Variants in EPHA6 observed in about 807,000 individuals in gnomAD.
EPHA6 encodes the protein EPH receptor A6, also known as ephrin type-A receptor 6.
EPHA6 carries 50 observed loss-of-function variants against 112.0 expected under a neutral mutation model. The ratio of observed to expected loss-of-function variants is 0.45; its 90% CI spans 0.36 to 0.56. The LOEUF is 0.56. Ranked by LOEUF, EPHA6 falls within the 20% of genes least tolerant of loss-of-function variation. EPHA6 has a pLI of 0.00. For missense variants in EPHA6, 1,280 were observed against 1,417.4 expected, an observed-to-expected ratio of 0.90 and a Z score of 1.56; for synonymous variants, 529 against 490.7, an observed-to-expected ratio of 1.08 and a Z score of -1.03.
At chr3:96,933,735 TTTA>T (rs1435632602) in intron 2 of EPHA6, among the ~76,000 whole-genome samples, 4 of 152,068 alleles carry the variant, frequency 2.6e-5, no homozygotes, top group Non-Finnish European at 5.9e-5. Flanking sequence ...ACAGAGTAAG[TTTA>T]TTATTATAAA....
chr3:97,314,843 T>C (rs1415433352), intron 5 of EPHA6, among the ~76,000 whole-genome samples: 1 of 151,642 alleles, frequency 6.6e-6, no homozygotes, highest in East Asian at 1.9e-4. Context: ...CACATACTAG[T>C]CATCAATATC....
chr3:97,224,831 C>T (rs1311939224), intron 3 of EPHA6, among the ~76,000 whole-genome samples: 1 of 151,898 alleles, frequency 6.6e-6, no homozygotes, highest in Non-Finnish European at 1.5e-5. Flanking sequence ...TATATATTCT[C>T]TATAAATTGA....
intron 16 of EPHA6, among the ~76,000 whole-genome samples, chr3:97,738,757 C>T (rs988237237): frequency 6.6e-6 from 1 of 152,090 alleles, no homozygotes; most frequent in Non-Finnish European, 1.5e-5. Context: ...ATTCTAAAGT[C>T]TGATCTCTGG....
At chr3:96,844,206 C>T (rs2034932348) in intron 1 of EPHA6, among the ~76,000 whole-genome samples, 1 of 151,884 alleles carries the variant, frequency 6.6e-6, no homozygotes. Flanking sequence ...TGTCTTTTTC[C>T]TAAGAACAAA....
At chr3:97,058,082 A>G (rs2045906393) in intron 3 of EPHA6, among the ~76,000 whole-genome samples, 1 of 152,180 alleles carries the variant, frequency 6.6e-6, no homozygotes, top group African/African-American at 2.4e-5. Flanking sequence ...ATTTAAGACC[A>G]TTGCAGAGAG....
At chr3:97,602,252 G>A (rs1253991311) in intron 12 of EPHA6, among the ~76,000 whole-genome samples, 7 of 151,946 alleles carry the variant, frequency 4.6e-5, no homozygotes, top group Admixed American at 3.3e-4. Context: ...ACTGATGTTT[G>A]AGAAAGCAAA....
intron 14 of EPHA6, among the ~76,000 whole-genome samples, chr3:97,698,824 T>G (rs572858213): frequency 6.6e-6 from 1 of 152,332 alleles, no homozygotes; most frequent in East Asian, 1.9e-4. Context: ...GTATAGGATC[T>G]CTGCCTTATT....
chr3:97,569,453 C>T (rs1168344922), intron 11 of EPHA6, among the ~76,000 whole-genome samples: 1 of 152,054 alleles, frequency 6.6e-6, no homozygotes, highest in Non-Finnish European at 1.5e-5. Flanking sequence ...AGAACAGACT[C>T]TAGGGTCAAG....
chr3:97,748,939 A>C lies in EPHA6; in HGVS notation c.*238A>C, dbSNP rs2035824255. Reference sequence around the variant, plus strand: ...GGCCCACTGCAGATTATTGCTACGCAATGGTAAATAACTCAGCATGGATGT... The same window carrying C: ...GGCCCACTGCAGATTATTGCTACGCCATGGTAAATAACTCAGCATGGATGT... On this transcript the variant is annotated 3_prime_UTR_variant, in exon 18 of 18. Coordinates refer to ENST00000389672, the MANE Select transcript of EPHA6 (RefSeq NM_001080448.3). 2.0e-6 allele frequency: 1 copy of C among 494,306 alleles called. No homozygotes were observed. The highest frequency in any genetic ancestry group is 3.2e-5 in the East Asian group (1 of 31,366). 30.6% of individuals were successfully genotyped at this position (494,306 alleles called of 1,614,324 possible).
intron 3 of EPHA6, among the ~76,000 whole-genome samples, chr3:97,140,911 T>A (rs1459185462): frequency 6.6e-6 from 1 of 151,772 alleles, no homozygotes; most frequent in Non-Finnish European, 1.5e-5. Flanking sequence ...TAAGATCCAA[T>A]CATTTGCTGC....
intron 2 of EPHA6, among the ~76,000 whole-genome samples, chr3:96,908,409 A>C (rs2039046390): frequency 6.6e-6 from 1 of 152,020 alleles, no homozygotes; most frequent in African/African-American, 2.4e-5. Context: ...ATGCCCTCTC[A>C]CCAGTGATAG....
At chr3:97,191,983 A>C (rs2108480316) in intron 3 of EPHA6, among the ~76,000 whole-genome samples, 1 of 152,148 alleles carries the variant, frequency 6.6e-6, no homozygotes, top group South Asian at 2.1e-4. Flanking sequence ...CTCCACCCTG[A>C]CTAGTATTTG....
At position 97,405,226 on chromosome 3, in the gene EPHA6, T is replaced by C; in HGVS notation, c.1683T>C (p.Ala561=). 1 of 1,610,884 alleles carries C rather than the reference T, an allele frequency of 6.2e-7. No individual in the cohort carries two copies. Among genetic ancestry groups the C allele is most frequent in the Non-Finnish European group, 8.5e-7 (1 of 1,178,364 alleles). ...NSIALSWQAP[A]FSNGAILDYE... ...TTGCCCTATCATGGCAAGCACCTGC[T>C]TTTTCCAATGGAGCCATTCTGGACT... The change falls in exon 6 of 18, where the codon GCT becomes GCC. Residue 561 remains alanine, a synonymous_variant. Coordinates refer to ENST00000389672, the MANE Select transcript of EPHA6 (RefSeq NM_001080448.3).
chr3:97,648,333 T>C (rs2094082634), intron 14 of EPHA6: 6 of 1,562,592 alleles, frequency 3.8e-6, no homozygotes, highest in African/African-American at 1.4e-5. Context: ...CTGCATAAAT[T>C]CTGAGAAAAG....
rs2036043053 is a variant in EPHA6, at chr3:97,757,007, C to G, written c.*8306C>G. On this transcript the variant is annotated 3_prime_UTR_variant, in exon 18 of 18. Coordinates refer to ENST00000389672, the MANE Select transcript of EPHA6 (RefSeq NM_001080448.3). The stretch of plus-strand genomic sequence containing the variant: ...TTTTGAAGGAATAATTTTTAACAGT[C>G]TTTGTTTCTTAAAATGTTAATTATG... Among the ~76,000 whole-genome samples, 1 of 151,676 alleles carries G rather than the reference C, an allele frequency of 6.6e-6. No homozygotes were observed. The highest frequency in any genetic ancestry group is 2.1e-4 in the South Asian group (1 of 4,814).
intron 1 of EPHA6, among the ~76,000 whole-genome samples, chr3:96,825,557 A>C (rs2107242970): frequency 6.6e-6 from 1 of 151,972 alleles, no homozygotes; most frequent in Non-Finnish European, 1.5e-5. Flanking sequence ...TGTTTTTAGT[A>C]GTATTGCAGA....
chr3:97,139,131 T>G (rs2075833783), intron 3 of EPHA6, among the ~76,000 whole-genome samples: 2 of 152,110 alleles, frequency 1.3e-5, no homozygotes, highest in South Asian at 4.1e-4. Flanking sequence ...CCACTCAGCT[T>G]TGTCACCTTC....
chr3:97,046,158 T>C (rs541022479), intron 3 of EPHA6, among the ~76,000 whole-genome samples: 1 of 152,236 alleles, frequency 6.6e-6, no homozygotes, highest in East Asian at 1.9e-4. Context: ...ATTTTTATAT[T>C]TGAACAAGGA....
At chr3:97,687,616 G>A (rs1187258256) in intron 14 of EPHA6, among the ~76,000 whole-genome samples, 1 of 152,130 alleles carries the variant, frequency 6.6e-6, no homozygotes, top group Non-Finnish European at 1.5e-5. Context: ...TTTCCACATA[G>A]TTTCTTTTCC....
Sources: allele counts gnomAD v4.1 joint callset (sites outside exome capture counted in the v4.1 genomes callset), GRCh38; gene constraint gnomAD v4.1.1; transcripts MANE v1.5; gene names NCBI Gene and HGNC (gene_info 2026-07-23, HGNC 2026-07-21).